Variants in PAX7 observed in about 807,000 individuals in gnomAD.
The protein encoded by PAX7 is paired box protein Pax-7.
A neutral mutation model predicts 50.7 loss-of-function variants in PAX7; 18 were observed. The ratio of observed to expected loss-of-function variants is 0.36; its 90% CI spans 0.25 to 0.53. The LOEUF is 0.53. PAX7 is among the 20% of genes least tolerant of loss of function. PAX7 has a pLI of 0.93. For missense variants in PAX7, 644 were observed against 702.9 expected (o/e 0.92, Z 0.95); for synonymous variants, 310 against 290.4 (o/e 1.07, Z -0.69).
chr1:18,649,419 G>A (rs956395428), intron 4 of PAX7, among the ~76,000 whole-genome samples: 2 of 152,038 alleles, frequency 1.3e-5, no homozygotes, highest in African/African-American at 2.4e-5. Flanking sequence ...AGGGGAGGAG[G>A]GTCCCCTTCT....
At chr1:18,699,687 A>G (rs986692256) in intron 5 of PAX7, among the ~76,000 whole-genome samples, 1 of 151,368 alleles carries the variant, frequency 6.6e-6, no homozygotes, top group African/African-American at 2.4e-5. Context: ...CAGCCTCCCG[A>G]CTAGCTGGGA....
At chr1:18,711,619 C>T (rs1375910977) in intron 7 of PAX7, among the ~76,000 whole-genome samples, 1 of 152,164 alleles carries the variant, frequency 6.6e-6, no homozygotes, top group African/African-American at 2.4e-5. Context: ...CTGCTCCTCC[C>T]TCAAGCCCCT....
At position 18,636,359 on chromosome 1, in the gene PAX7, C is replaced by G. The variant is rs1373148008; in HGVS notation, c.574C>G (p.Leu192Val). 6.2e-7 allele frequency: 1 copy of G among 1,614,208 alleles called. No individual in the cohort carries two copies. Among genetic ancestry groups the G allele is most frequent in the Non-Finnish European group, 8.5e-7 (1 of 1,179,988 alleles). The change falls in exon 4 of 9, where the codon CTG (leucine) becomes GTG (valine). Residue 192 changes from leucine (L) to valine (V), a missense_variant. By Grantham distance (32) the Leu-to-Val change is conservative (BLOSUM62 1). Coordinates refer to ENST00000420770, the MANE Select transcript of PAX7 (RefSeq NM_001135254.2). This position sits in a 1 kb window ranked among gnomAD's most constrained non-coding sequence, Gnocchi z 5.1. Reference protein sequence around the residue: ...KKAKHSIDGILGDKGNRLDEG... With the variant: ...KKAKHSIDGIVGDKGNRLDEG... ...GGCCAAACACAGCATCGACGGCATC[C>G]TGGGCGACAAAGGTAGGGAACTTCC...
In PAX7 at chr1:18,631,374, T is replaced by G. The variant is rs2088040325; in HGVS notation, c.-230T>G. On this transcript the variant is annotated 5_prime_UTR_variant, in exon 1 of 9. Transcript: ENST00000420770. ...TTGAACTTCCTCGTCGTCGCCACCT[T>G]CCCTCCCCCCAACCTCCACCCCACC... is the stretch of plus-strand genomic sequence containing the variant. 4 of 538,322 alleles carry G rather than the reference T, an allele frequency of 7.4e-6. No individual in the cohort carries two copies. The South Asian group carries it at 1.0e-4, about 13-fold the overall frequency. 33.3% of individuals were successfully genotyped at this position (538,322 alleles called of 1,614,324 possible).
At chr1:18,680,206 C>T (rs944983608) in intron 4 of PAX7, among the ~76,000 whole-genome samples, 1 of 152,150 alleles carries the variant, frequency 6.6e-6, no homozygotes, top group Non-Finnish European at 1.5e-5. Context: ...GGAGCTGCAT[C>T]AGTACCCTAG....
chr1:18,733,016 C>T (rs929297963), intron 7 of PAX7, among the ~76,000 whole-genome samples: 1 of 152,112 alleles, frequency 6.6e-6, no homozygotes, highest in African/African-American at 2.4e-5. Flanking sequence ...TTCTTGGAGT[C>T]CAGGCCTCCT....
intron 7 of PAX7, among the ~76,000 whole-genome samples, chr1:18,724,309 G>C (rs1181407933): frequency 1.3e-5 from 2 of 152,250 alleles, no homozygotes; most frequent in Non-Finnish European, 2.9e-5. Flanking sequence ...GCTAAGGCTG[G>C]CAGCAGGCTG....
At chr1:18,701,627 A>G (rs1347538007) in intron 6 of PAX7, among the ~76,000 whole-genome samples, 1 of 152,068 alleles carries the variant, frequency 6.6e-6, no homozygotes, top group African/African-American at 2.4e-5. Flanking sequence ...ATCCATTTTC[A>G]GAGATGGAAT....
rs1316588625 is a variant in PAX7 at position 18,744,888 on chromosome 1, G to A, written c.1477G>A (p.Val493Met). The change falls in exon 9 of 9, where the codon GTG becomes ATG. Residue 493 changes from valine (V) to methionine (M), a missense_variant. Physicochemically the swap from Val to Met is conservative, Grantham distance 21. Transcript: ENST00000420770. ...RRMKLGEHSA[V>M]LGLLPVETGQ... ...CATGAAGCTCGGGGAGCACTCTGCT[G>A]TGCTGGGACTCCTGCCTGTGGAAAC... 8 of 1,555,936 alleles carry A rather than the reference G, an allele frequency of 5.1e-6. No homozygotes were observed. The African/African-American group carries it at 5.5e-5, about 11-fold the overall frequency.
intron 7 of PAX7, among the ~76,000 whole-genome samples, chr1:18,723,050 A>G (rs1196789559): frequency 6.6e-6 from 1 of 152,202 alleles, no homozygotes; most frequent in Non-Finnish European, 1.5e-5. Flanking sequence ...GTTGGACAAA[A>G]CCAAGACAAC....
intron 4 of PAX7, among the ~76,000 whole-genome samples, chr1:18,655,689 T>C (rs2088504738): frequency 6.6e-6 from 1 of 152,040 alleles, no homozygotes; most frequent in South Asian, 2.1e-4. Flanking sequence ...CCTCCCTTCT[T>C]TAAAACAAAC....
intron 8 of PAX7, among the ~76,000 whole-genome samples, chr1:18,742,490 C>A (rs897269558): frequency 6.6e-6 from 1 of 152,144 alleles, no homozygotes; most frequent in Non-Finnish European, 1.5e-5. Context: ...GACACTGGAG[C>A]CCGGGTAAGG....
chr1:18,737,186 C>T (rs549520681), intron 8 of PAX7, among the ~76,000 whole-genome samples: 3 of 152,366 alleles, frequency 2.0e-5, no homozygotes, highest in East Asian at 1.9e-4. Flanking sequence ...ACTTTCCTGC[C>T]CCACCGCCCT....
intron 4 of PAX7, among the ~76,000 whole-genome samples, chr1:18,689,418 G>GGCCAGGGCGAAGCCCTGGCAGGAAAT (rs2089035229): frequency 6.6e-6 from 1 of 151,312 alleles, no homozygotes; most frequent in Non-Finnish European, 1.5e-5. Flanking sequence ...TGGCAGGAAA[G>GGCCAGGGCGAAGCCCTGGCAGGAAAT]GCCAGGGCAG....
intron 4 of PAX7, among the ~76,000 whole-genome samples, chr1:18,638,446 G>A (rs367892996): frequency 1.1e-4 from 16 of 152,350 alleles, no homozygotes; most frequent in African/African-American, 3.8e-4. Context: ...GTGCCAGATG[G>A]GGGAGGCTGA....
chr1:18,731,906 GC>G (rs1557557963), intron 7 of PAX7, among the ~76,000 whole-genome samples: 1 of 152,170 alleles, frequency 6.6e-6, no homozygotes, highest in African/African-American at 2.4e-5. Context: ...CACCACCCAA[GC>G]CCCTTCTGAG....
In PAX7 at chr1:18,700,271, T is replaced by A. The variant is rs1252248430; in HGVS notation, c.787-382T>A. Among the ~76,000 whole-genome samples the A allele has an allele frequency of 6.6e-6, 1 of 151,344 alleles. No individual in the cohort carries two copies. The highest frequency in any genetic ancestry group is 1.5e-5 in the Non-Finnish European group (1 of 67,814). Reference sequence around the variant, plus strand: ...CTCCTGGGGGGCTTCCTGGAGGAGGTGGTCAAGCAGGGCACCAGCATCCCT... The same window carrying A: ...CTCCTGGGGGGCTTCCTGGAGGAGGAGGTCAAGCAGGGCACCAGCATCCCT... On this transcript the variant is annotated intron_variant, in intron 5 of 8. Coordinates refer to ENST00000420770, the MANE Select transcript of PAX7 (RefSeq NM_001135254.2). This position sits in a 1 kb window ranked among gnomAD's most constrained non-coding sequence, Gnocchi z 4.8.
At chr1:18,718,481 G>T (rs2089454695) in intron 7 of PAX7, among the ~76,000 whole-genome samples, 1 of 152,134 alleles carries the variant, frequency 6.6e-6, no homozygotes, top group Non-Finnish European at 1.5e-5. Context: ...TACAGTGCAA[G>T]GCAGCCGGTC....
At chr1:18,646,085 G>T in intron 4 of PAX7, among the ~76,000 whole-genome samples, 1 of 152,174 alleles carries the variant, frequency 6.6e-6, no homozygotes. Context: ...CCCTCCCGCT[G>T]CCTGCAAATG....
Sources: gnomAD v4.1 joint callset for allele counts (sites outside exome capture counted in the v4.1 genomes callset) on GRCh38, gnomAD v4.1.1 for gene constraint, Gnocchi (gnomAD v3.1) non-coding constraint, MANE v1.5 for transcripts, NCBI Gene and HGNC (gene_info 2026-07-23, HGNC 2026-07-21) for gene names.